The following MRPL1 variants were observed in gnomAD, a reference collection of about 807,000 sequenced individuals.
MRPL1 encodes the protein mitochondrial ribosomal protein L1, also known as large ribosomal subunit protein uL1m.
A neutral mutation model predicts 38.0 loss-of-function variants in MRPL1; 28 were observed. The observed-to-expected ratio is 0.74, with a 90% confidence interval of 0.55 to 1.01. The LOEUF (loss-of-function observed/expected upper bound fraction) is 1.01, where lower values mean the gene tolerates loss of function less well. MRPL1 is among the 50% of genes least tolerant of loss of function. The pLI, the probability that MRPL1 is intolerant of heterozygous loss-of-function variation, is 0.00. For synonymous variants in MRPL1, 123 were observed against 126.7 expected (o/e 0.97, Z 0.20); for missense variants, 358 against 389.8 (o/e 0.92, Z 0.69).
intron 7 of MRPL1, among the ~76,000 whole-genome samples, chr4:77,928,368 G>A (rs1021999285): frequency 1.3e-5 from 2 of 152,184 alleles, no homozygotes; most frequent in Admixed American, 1.3e-4. Context: ...TGAAATAGTA[G>A]CTAGCCAGGA....
chr4:77,922,292 A>T (rs1736599106), intron 7 of MRPL1, among the ~76,000 whole-genome samples: 1 of 152,232 alleles, frequency 6.6e-6, no homozygotes, highest in African/African-American at 2.4e-5. Flanking sequence ...TTACATGCAG[A>T]AGAAACAGCA....
At chr4:77,883,901 T>C (rs1260893813) in intron 3 of MRPL1, among the ~76,000 whole-genome samples, 3 of 152,164 alleles carry the variant, frequency 2.0e-5, no homozygotes, top group Non-Finnish European at 4.4e-5. Context: ...AATTATTGCC[T>C]CTCATAATTT....
At chr4:77,952,350 G>A in intron 8 of MRPL1, 139 bp from the exon 9 acceptor site, 1 of 676,694 alleles carries the variant, frequency 1.5e-6, no homozygotes, top group South Asian at 1.7e-5. Flanking sequence ...CGGTACAATT[G>A]GTTTCTTTAT....
At chr4:77,942,258 A>T (rs996701790) in intron 7 of MRPL1, among the ~76,000 whole-genome samples, 5 of 152,100 alleles carry the variant, frequency 3.3e-5, no homozygotes, top group Non-Finnish European at 5.9e-5. Flanking sequence ...TCTTAAATTT[A>T]TTGAGACTTG....
At chr4:77,939,403 C>T (rs531377129) in intron 7 of MRPL1, among the ~76,000 whole-genome samples, 4 of 151,892 alleles carry the variant, frequency 2.6e-5, no homozygotes, top group African/African-American at 9.7e-5. Context: ...TTTTTCTTCC[C>T]GATTTCTTTG....
intron 5 of MRPL1, among the ~76,000 whole-genome samples, chr4:77,889,772 A>G (rs1735765943): frequency 1.3e-5 from 2 of 152,172 alleles, no homozygotes; most frequent in Non-Finnish European, 2.9e-5. Context: ...AATCAAATAG[A>G]CACAATAAAA....
chr4:77,924,943 C>A (rs1736676933), intron 7 of MRPL1, among the ~76,000 whole-genome samples: 1 of 152,130 alleles, frequency 6.6e-6, no homozygotes, highest in African/African-American at 2.4e-5. Context: ...TCAGTATCTG[C>A]ATATGTTTTC....
In MRPL1 at chr4:77,892,728, A is replaced by G. The variant is rs144510049; in HGVS notation, c.559-1411A>G. Among the ~76,000 whole-genome samples, 660 of 152,228 alleles carry G rather than the reference A, an allele frequency of 4.3e-3. 7 individuals carry two copies. Among genetic ancestry groups the G allele is most frequent in the African/African-American group, 0.015 (618 of 41,528 alleles). Reference sequence around the variant, plus strand: ...ATTTAGAAATTGCCTCTGCTTTCCTATTTCCAGTGATGAGACCCCTGGTTC... The same window carrying G: ...ATTTAGAAATTGCCTCTGCTTTCCTGTTTCCAGTGATGAGACCCCTGGTTC... On this transcript the variant is annotated intron_variant, in intron 5 of 8. Coordinates refer to ENST00000315567, the MANE Select transcript of MRPL1 (RefSeq NM_020236.4).
At chr4:77,866,156 A>G (rs1271111681) in intron 1 of MRPL1, among the ~76,000 whole-genome samples, 1 of 152,180 alleles carries the variant, frequency 6.6e-6, no homozygotes. Flanking sequence ...GGTTCAAGTG[A>G]TTCTGTAGTC....
At chr4:77,933,862 T>G (rs543624534) in intron 7 of MRPL1, among the ~76,000 whole-genome samples, 1 of 152,296 alleles carries the variant, frequency 6.6e-6, no homozygotes, top group African/African-American at 2.4e-5. Flanking sequence ...CTACTGTGGG[T>G]TTTTAACTCC....
At chr4:77,886,789 C>CTTTTTTTTTTT (rs71214375) in intron 4 of MRPL1, among the ~76,000 whole-genome samples, 2 of 90,516 alleles carry the variant, frequency 2.2e-5, no homozygotes, top group African/African-American at 4.6e-5. Flanking sequence ...TTTGCATTTT[C>CTTTTTTTTTTT]TTTTTTTTTT....
intron 7 of MRPL1, among the ~76,000 whole-genome samples, chr4:77,930,124 A>G (rs1239141879): frequency 6.6e-6 from 1 of 152,224 alleles, no homozygotes; most frequent in Non-Finnish European, 1.5e-5. Context: ...TGGTCTCAAC[A>G]CTGCCTGAAA....
At chr4:77,898,768 A>C (rs964562139) in intron 6 of MRPL1, among the ~76,000 whole-genome samples, 5 of 152,104 alleles carry the variant, frequency 3.3e-5, no homozygotes, top group African/African-American at 2.4e-5. Context: ...TGCTGGGATT[A>C]CATGCGTGAG....
At chr4:77,919,666 T>C (rs1050962631) in intron 7 of MRPL1, among the ~76,000 whole-genome samples, 1 of 152,110 alleles carries the variant, frequency 6.6e-6, no homozygotes, top group African/African-American at 2.4e-5. Flanking sequence ...ATCAACAAAA[T>C]AGGGCATGGC....
intron 2 of MRPL1, among the ~76,000 whole-genome samples, chr4:77,876,146 T>C (rs1050747996): frequency 6.6e-6 from 1 of 152,058 alleles, no homozygotes; most frequent in Non-Finnish European, 1.5e-5. Flanking sequence ...CTAATTTTTG[T>C]AGTTTTGGCA....
At chr4:77,873,521 A>G (rs919399992) in intron 2 of MRPL1, among the ~76,000 whole-genome samples, 4 of 152,254 alleles carry the variant, frequency 2.6e-5, no homozygotes, top group African/African-American at 9.6e-5. Context: ...AATGAAAACT[A>G]AAGGGTAGAA....
In MRPL1 at chr4:77,894,248, G is replaced by A. The variant is rs767628567; in HGVS notation, c.668G>A (p.Arg223Gln). 1.6e-5 allele frequency: 24 copies of A among 1,520,702 alleles called. 1 individual carries two copies. The highest frequency in any genetic ancestry group is 3.4e-4 in the Middle Eastern group (2 of 5,806). 94.2% of individuals were successfully genotyped at this position (1,520,702 alleles called of 1,614,324 possible). ...KLNKKYPKLS[R>Q]NSIGRDIPKM... is the part of the protein sequence containing the mutation. Reference sequence around the variant, plus strand: ...AATAAAAAATATCCAAAGCTTTCTCGAAGTAAGAGAATTCCTATTATTTCA... The same window carrying A: ...AATAAAAAATATCCAAAGCTTTCTCAAAGTAAGAGAATTCCTATTATTTCA... Residue 223 changes from arginine (R) to glutamine (Q), a missense_variant and splice_region_variant, in exon 6 of 9, where the codon CGA becomes CAA. Physicochemically the swap from Arg to Gln is conservative, Grantham distance 43. Transcript: ENST00000315567.
At chr4:77,933,518 G>A (rs993968115) in intron 7 of MRPL1, among the ~76,000 whole-genome samples, 1 of 152,134 alleles carries the variant, frequency 6.6e-6, no homozygotes, top group African/African-American at 2.4e-5. Flanking sequence ...TCCTGGAGAT[G>A]AAATAAATGG....
At chr4:77,923,607 TGACTC>T (rs1736640861) in intron 7 of MRPL1, among the ~76,000 whole-genome samples, 1 of 152,098 alleles carries the variant, frequency 6.6e-6, no homozygotes, top group African/African-American at 2.4e-5. Flanking sequence ...TTTTGTATCA[TGACTC>T]AATCAAACTT....
Sources: gnomAD v4.1 joint callset for allele counts (sites outside exome capture counted in the v4.1 genomes callset) on GRCh38, gnomAD v4.1.1 for gene constraint, MANE v1.5 for transcripts, NCBI Gene and HGNC (gene_info 2026-07-23, HGNC 2026-07-21) for gene names.